Variants in CTNND2 observed in about 807,000 individuals in gnomAD.
CTNND2 encodes the protein catenin delta 2, also known as catenin delta-2.
Under a neutral mutation model 144.4 loss-of-function variants are expected in CTNND2, and 22 were observed. The observed-to-expected ratio is 0.15, with a 90% confidence interval of 0.11 to 0.22. The LOEUF (loss-of-function observed/expected upper bound fraction) is 0.22. Among genes scored for constraint, CTNND2 ranks in the 10% least tolerant of loss-of-function variants. CTNND2 has a pLI of 1.00. For synonymous variants in CTNND2, 751 were observed against 695.6 expected, an observed-to-expected ratio of 1.08 and a Z score of -1.25; for missense variants, 1,353 against 1,618.8, an observed-to-expected ratio of 0.84 and a Z score of 2.82.
chr5:11,739,413 G>A (rs569899678), intron 1 of CTNND2, among the ~76,000 whole-genome samples: 23 of 152,320 alleles, frequency 1.5e-4, no homozygotes, highest in Non-Finnish European at 2.6e-4. Context: ...GGGTGGAACA[G>A]ACTTGGGGCA....
intron 8 of CTNND2, among the ~76,000 whole-genome samples, chr5:11,354,277 C>G (rs1249778648): frequency 1.3e-5 from 2 of 152,306 alleles, no homozygotes; most frequent in Non-Finnish European, 2.9e-5. Context: ...ACATCAAGTA[C>G]TTGGCAATAT....
intron 1 of CTNND2, among the ~76,000 whole-genome samples, chr5:11,863,943 G>A (rs1464025009): frequency 6.6e-6 from 1 of 152,184 alleles, no homozygotes; most frequent in African/African-American, 2.4e-5. Flanking sequence ...CCTGATGTCA[G>A]GTTTTATTTA....
chr5:11,066,668 TA>T (rs1440351423), intron 16 of CTNND2, among the ~76,000 whole-genome samples: 2 of 152,206 alleles, frequency 1.3e-5, no homozygotes, highest in Non-Finnish European at 2.9e-5. Context: ...TGGCTCAGAA[TA>T]AATCTCTTCA....
At chr5:11,341,141 C>A (rs964388390) in intron 9 of CTNND2, among the ~76,000 whole-genome samples, 3 of 152,186 alleles carry the variant, frequency 2.0e-5, no homozygotes, top group Non-Finnish European at 4.4e-5. Flanking sequence ...GCAGCTAGCA[C>A]AGGGGCAGGA....
chr5:11,557,158 A>T (rs1776298240), intron 3 of CTNND2, among the ~76,000 whole-genome samples: 1 of 152,212 alleles, frequency 6.6e-6, no homozygotes, highest in Non-Finnish European at 1.5e-5. Flanking sequence ...TATATCTAAC[A>T]TGACCGATTA....
At chr5:11,678,390 T>G (rs954324115) in intron 2 of CTNND2, among the ~76,000 whole-genome samples, 2 of 152,142 alleles carry the variant, frequency 1.3e-5, no homozygotes, top group African/African-American at 4.8e-5. Flanking sequence ...GCTAGAGCTC[T>G]AGACCTGCTG....
At chr5:11,231,759 C>T (rs1741046976) in intron 10 of CTNND2, among the ~76,000 whole-genome samples, 1 of 152,184 alleles carries the variant, frequency 6.6e-6, no homozygotes, top group South Asian at 2.1e-4. Flanking sequence ...TAACAAGAAG[C>T]CAAATGAACG....
chr5:11,677,712 A>G (rs1701908548), intron 2 of CTNND2, among the ~76,000 whole-genome samples: 1 of 152,194 alleles, frequency 6.6e-6, no homozygotes, highest in African/African-American at 2.4e-5. Flanking sequence ...GCTTTAAGTC[A>G]TTCAAAAACC....
Position 11,384,803 on chromosome 5 carries a change from G to A in CTNND2, c.1039C>T (p.His347Tyr). The change falls in exon 7 of 22, where the codon CAC becomes TAC. Residue 347 changes from histidine (H) to tyrosine (Y), a missense_variant. This residue lies in a region of CTNND2 where 708 missense variants were observed against 706.4 expected (regional missense o/e 1.00). Coordinates refer to ENST00000304623, the MANE Select transcript of CTNND2 (RefSeq NM_001332.4). This position sits in a 1 kb window ranked among gnomAD's most constrained non-coding sequence, Gnocchi z 5.2. ...VQSTISSSPI[H>Y]QLSSTIGTYA... ...GTGCCGATGGTGGAGCTCAGCTGGT[G>A]GATGGGCGAGGAGGAGATGGTGGAC... 1 of 1,613,328 alleles carries A rather than the reference G, an allele frequency of 6.2e-7. No individual in the cohort carries two copies. The highest frequency in any genetic ancestry group is 8.5e-7 in the Non-Finnish European group (1 of 1,179,758).
intron 3 of CTNND2, among the ~76,000 whole-genome samples, chr5:11,501,029 T>C (rs942843160): frequency 6.9e-5 from 10 of 144,210 alleles, no homozygotes; most frequent in South Asian, 2.1e-4. Flanking sequence ...TTTCTTGTTG[T>C]TTAACTTTTT....
intron 14 of CTNND2, among the ~76,000 whole-genome samples, chr5:11,104,699 G>GAACAAGAAGTC (rs1752244198): frequency 6.6e-6 from 1 of 152,152 alleles, no homozygotes; most frequent in African/African-American, 2.4e-5. Flanking sequence ...CCCAGGAGCT[G>GAACAAGAAGTC]TTCAGAAGAC....
intron 1 of CTNND2, among the ~76,000 whole-genome samples, chr5:11,747,168 C>T (rs74569195): frequency 6.6e-6 from 1 of 152,052 alleles, no homozygotes; most frequent in African/African-American, 2.4e-5. Context: ...CCAGACAACA[C>T]AAATATATTT....
chr5:11,581,500 G>T (rs1778430216), intron 2 of CTNND2, among the ~76,000 whole-genome samples: 1 of 152,158 alleles, frequency 6.6e-6, no homozygotes, highest in African/African-American at 2.4e-5. Flanking sequence ...ATAAACATAT[G>T]TCTACTATAT....
chr5:11,081,638 C>T (rs553278177), intron 16 of CTNND2, among the ~76,000 whole-genome samples: 2 of 152,294 alleles, frequency 1.3e-5, no homozygotes, highest in Non-Finnish European at 2.9e-5. Context: ...TATATCATAA[C>T]ATCACTTTGT....
intron 9 of CTNND2, among the ~76,000 whole-genome samples, chr5:11,296,297 C>T (rs1463537939): frequency 1.3e-5 from 2 of 151,946 alleles, no homozygotes; most frequent in East Asian, 1.9e-4. Context: ...CATCTCACAC[C>T]AGTTAGAATG....
intron 3 of CTNND2, among the ~76,000 whole-genome samples, chr5:11,420,402 A>AT (rs1259438695): frequency 6.6e-6 from 1 of 152,242 alleles, no homozygotes; most frequent in Non-Finnish European, 1.5e-5. Context: ...GATGATGTCC[A>AT]TATGACCTGA....
intron 2 of CTNND2, among the ~76,000 whole-genome samples, chr5:11,722,684 C>T (rs1786755760): frequency 6.6e-6 from 1 of 152,178 alleles, no homozygotes; most frequent in Non-Finnish European, 1.5e-5. Context: ...CGGAAAGCCC[C>T]TTATAAAACC....
chr5:11,062,575 C>A (rs183348048), intron 16 of CTNND2, among the ~76,000 whole-genome samples: 1 of 152,360 alleles, frequency 6.6e-6, no homozygotes, highest in Admixed American at 6.5e-5. Context: ...ATTCATCAGA[C>A]AAGCACATTC....
At position 11,849,092 on chromosome 5, in the gene CTNND2, G is replaced by T. The variant is rs150350289; in HGVS notation, c.37+54725C>A. On this transcript the variant is annotated intron_variant, in intron 1 of 21. Coordinates refer to ENST00000304623, the MANE Select transcript of CTNND2 (RefSeq NM_001332.4). ...ACTAGGTCATTTATAAAGAAAAAAA[G>T]GTTTAATGGACTCACAGTTCCACAT... Among the ~76,000 whole-genome samples, 143 of 152,246 alleles carry T rather than the reference G, an allele frequency of 9.4e-4. 1 individual carries two copies. The East Asian group carries it at 0.022, about 23-fold the overall frequency.
Sources: allele counts gnomAD v4.1 joint callset (sites outside exome capture counted in the v4.1 genomes callset), GRCh38; gene constraint gnomAD v4.1.1; regional missense constraint gnomAD v4.1.1; non-coding constraint Gnocchi (gnomAD v3.1); transcripts MANE v1.5; gene names NCBI Gene and HGNC (gene_info 2026-07-23, HGNC 2026-07-21).